Variants in RABGAP1L observed in about 807,000 individuals in gnomAD.
RABGAP1L encodes the protein rab GTPase-activating protein 1-like.
Under a neutral mutation model 137.7 loss-of-function variants are expected in RABGAP1L, and 63 were observed. The observed-to-expected ratio is 0.46, with a 90% CI of 0.37 to 0.56. RABGAP1L has a LOEUF of 0.56. RABGAP1L is among the 20% of genes least tolerant of loss of function. The probability of loss-of-function intolerance (pLI) is 0.00; values close to 1 mark genes in which losing one functional copy is unlikely to be tolerated. For missense variants in RABGAP1L, 1,095 were observed against 1,244.0 expected (o/e 0.88, Z 1.80); for synonymous variants, 431 against 433.7 (o/e 0.99, Z 0.08).
At chr1:174,859,751 C>A (rs1203635476) in intron 19 of RABGAP1L, among the ~76,000 whole-genome samples, 4 of 151,886 alleles carry the variant, frequency 2.6e-5, no homozygotes, top group South Asian at 2.1e-4. Flanking sequence ...AGCTTAATAC[C>A]TGGGTGATGA....
At chr1:174,846,190 T>C (rs1160586464) in intron 19 of RABGAP1L, among the ~76,000 whole-genome samples, 1 of 149,258 alleles carries the variant, frequency 6.7e-6, no homozygotes, top group Non-Finnish European at 1.5e-5. Context: ...CCTGGATTCA[T>C]TGATTTTTTG....
intron 7 of RABGAP1L, among the ~76,000 whole-genome samples, chr1:174,266,241 T>C (rs972745455): frequency 6.6e-6 from 1 of 152,176 alleles, no homozygotes; most frequent in Non-Finnish European, 1.5e-5. Flanking sequence ...GGGAGAAGAT[T>C]AGCTAGTAAC....
At chr1:174,418,481 A>C (rs1361626923) in intron 13 of RABGAP1L, among the ~76,000 whole-genome samples, 1 of 152,234 alleles carries the variant, frequency 6.6e-6, no homozygotes, top group Non-Finnish European at 1.5e-5. Flanking sequence ...GGTTATAATT[A>C]AATCATGATG....
At chr1:174,409,669 T>A (rs1051133783) in intron 13 of RABGAP1L, among the ~76,000 whole-genome samples, 1 of 152,090 alleles carries the variant, frequency 6.6e-6, no homozygotes, top group African/African-American at 2.4e-5. Context: ...ATATTAATAA[T>A]TAAGACCCTG....
rs190733652 is a variant in RABGAP1L at position 174,709,830 on chromosome 1, C to T, written c.2169+7574C>T. On this transcript the variant is annotated intron_variant, in intron 17 of 25. Coordinates refer to ENST00000681986, the MANE Select transcript of RABGAP1L (RefSeq NM_001366446.1). ...AGAACTGGATGGAGAATGAGTTTGT[C>T]GAATTGACATAAGTAGGCTTCAGAA... 1.0e-3 allele frequency among the ~76,000 whole-genome samples: 155 copies of T among 152,232 alleles called. 1 individual carries two copies. The highest frequency in any genetic ancestry group is 3.2e-3 in the African/African-American group (131 of 41,528).
intron 12 of RABGAP1L, among the ~76,000 whole-genome samples, chr1:174,377,197 CAAAGA>C (rs1685620399): frequency 6.6e-6 from 1 of 151,046 alleles, no homozygotes; most frequent in Admixed American, 6.6e-5. Context: ...TCAAAGACAT[CAAAGA>C]AGACAGAAAT....
At chr1:174,437,917 A>G (rs982443154) in intron 13 of RABGAP1L, among the ~76,000 whole-genome samples, 4 of 152,196 alleles carry the variant, frequency 2.6e-5, no homozygotes, top group Non-Finnish European at 5.9e-5. Context: ...CCAATATTCA[A>G]CATTCTTAAA....
intron 19 of RABGAP1L, 96 bp downstream of exon 19, chr1:174,812,056 A>T: frequency 8.6e-7 from 1 of 1,166,368 alleles, no homozygotes; most frequent in Non-Finnish European, 1.1e-6. Flanking sequence ...GCAAGGTTTG[A>T]TTATGTTTAA....
chr1:174,807,304 C>T (rs903951582), intron 18 of RABGAP1L, among the ~76,000 whole-genome samples: 6 of 151,956 alleles, frequency 3.9e-5, no homozygotes, highest in Non-Finnish European at 8.8e-5. Flanking sequence ...TATGACCCCA[C>T]CATGTAGACA....
intron 19 of RABGAP1L, among the ~76,000 whole-genome samples, chr1:174,836,808 C>T (rs1692799826): frequency 6.6e-6 from 1 of 152,210 alleles, no homozygotes; most frequent in Admixed American, 6.5e-5. Flanking sequence ...CTATGCTGAA[C>T]ACCCAGCATG....
intron 14 of RABGAP1L, among the ~76,000 whole-genome samples, chr1:174,664,746 T>TTC (rs1368505263): frequency 7.0e-6 from 1 of 142,308 alleles, no homozygotes; most frequent in East Asian, 2.2e-4. Flanking sequence ...TTTTTTTTTT[T>TTC]TTTTTTTTTG....
intron 13 of RABGAP1L, among the ~76,000 whole-genome samples, chr1:174,515,841 T>A (rs1662776893): frequency 1.3e-5 from 2 of 151,560 alleles, no homozygotes; most frequent in South Asian, 4.1e-4. Flanking sequence ...TGGAAATTAT[T>A]TTTATTTTTA....
At chr1:174,598,930 C>T (rs1490635964) in intron 13 of RABGAP1L, among the ~76,000 whole-genome samples, 1 of 151,982 alleles carries the variant, frequency 6.6e-6, no homozygotes, top group African/African-American at 2.4e-5. Flanking sequence ...AAACTAAGGA[C>T]CTACTCCTGC....
At chr1:174,341,843 G>GA (rs1682001496) in intron 11 of RABGAP1L, among the ~76,000 whole-genome samples, 2 of 152,064 alleles carry the variant, frequency 1.3e-5, no homozygotes, top group Non-Finnish European at 2.9e-5. Flanking sequence ...GTCGTATTCT[G>GA]AAAAAAGTTA....
At chr1:174,360,945 A>G (rs1233440931) in intron 11 of RABGAP1L, among the ~76,000 whole-genome samples, 2 of 152,172 alleles carry the variant, frequency 1.3e-5, no homozygotes, top group Admixed American at 1.3e-4. Context: ...TCACAAGGTC[A>G]GGAGATTGAG....
chr1:174,491,091 C>G (rs1660181736), intron 13 of RABGAP1L, among the ~76,000 whole-genome samples: 1 of 152,094 alleles, frequency 6.6e-6, no homozygotes, highest in South Asian at 2.1e-4. Flanking sequence ...ACCTAAGATG[C>G]AAGACAAAGT....
At chr1:174,279,391 A>T (rs1675294900) in intron 10 of RABGAP1L, among the ~76,000 whole-genome samples, 2 of 152,196 alleles carry the variant, frequency 1.3e-5, no homozygotes, top group South Asian at 4.1e-4. Context: ...GTGAGTTTTT[A>T]AAAAATCAGG....
intron 19 of RABGAP1L, among the ~76,000 whole-genome samples, chr1:174,837,040 C>G (rs1382704031): frequency 6.6e-6 from 1 of 152,128 alleles, no homozygotes; most frequent in Non-Finnish European, 1.5e-5. Flanking sequence ...AACCCCATCT[C>G]TACTGAAAAT....
At chr1:174,749,193 A>G (rs1684135704) in intron 17 of RABGAP1L, among the ~76,000 whole-genome samples, 1 of 152,162 alleles carries the variant, frequency 6.6e-6, no homozygotes, top group African/African-American at 2.4e-5. Flanking sequence ...AAAAAAAGAA[A>G]AAAGAAAAGA....
Sources: allele counts gnomAD v4.1 joint callset (sites outside exome capture counted in the v4.1 genomes callset), GRCh38; gene constraint gnomAD v4.1.1; transcripts MANE v1.5; gene names NCBI Gene and HGNC (gene_info 2026-07-23, HGNC 2026-07-21).